The following IL1RAPL2 variants were observed in gnomAD, a reference collection of about 807,000 sequenced individuals.
The protein encoded by IL1RAPL2 is X-linked interleukin-1 receptor accessory protein-like 2.
Under a neutral mutation model 44.1 loss-of-function variants are expected in IL1RAPL2, and 3 were observed. The observed-to-expected ratio is 0.07, with a 90% CI of 0.03 to 0.18. IL1RAPL2 has a LOEUF of 0.18. Among genes scored for constraint, IL1RAPL2 ranks in the 10% least tolerant of loss-of-function variants. The pLI is 1.00. For missense variants in IL1RAPL2, 391 were observed against 496.4 expected (o/e 0.79, Z 2.02); for synonymous variants, 181 against 178.8 (o/e 1.01, Z -0.10).
intron 2 of IL1RAPL2, among the ~76,000 whole-genome samples, chrX:105,159,746 C>G (rs1287436086): frequency 8.9e-6 from 1 of 111,949 alleles, no homozygotes; most frequent in African/African-American, 3.2e-5. Context: ...CTCTTCACTC[C>G]ACATAGGTAG....
intron 2 of IL1RAPL2, among the ~76,000 whole-genome samples, chrX:104,696,777 G>T (rs1931189949): frequency 1.8e-5 from 2 of 111,842 alleles, no homozygotes; most frequent in Admixed American, 1.9e-4. Flanking sequence ...AGTGAGGTAT[G>T]TAGGCAAGCA....
intron 5 of IL1RAPL2, among the ~76,000 whole-genome samples, chrX:105,284,745 C>T (rs1454089525): frequency 9.0e-6 from 1 of 111,367 alleles, no homozygotes; most frequent in Non-Finnish European, 1.9e-5. Context: ...GTAACTTGCC[C>T]GGGTCACACA....
At chrX:105,441,609 C>G (rs759460540) in intron 5 of IL1RAPL2, among the ~76,000 whole-genome samples, 1 of 111,877 alleles carries the variant, frequency 8.9e-6, no homozygotes, top group South Asian at 3.7e-4. Flanking sequence ...ACATATTATG[C>G]TTATAAGATT....
intron 6 of IL1RAPL2, among the ~76,000 whole-genome samples, chrX:105,504,737 G>C (rs1024962670): frequency 9.0e-6 from 1 of 111,326 alleles, no homozygotes; most frequent in African/African-American, 3.3e-5. Context: ...TGTATCTATT[G>C]TTTTCTTGTA....
At chrX:104,743,320 AT>A (rs201927008) in intron 2 of IL1RAPL2, among the ~76,000 whole-genome samples, 216 of 100,192 alleles carry the variant, frequency 2.2e-3, no homozygotes, top group South Asian at 4.0e-3. Context: ...GTTTCAAACT[AT>A]TTTTTTTTTT....
At chrX:104,820,158 T>C (rs1247633455) in intron 2 of IL1RAPL2, among the ~76,000 whole-genome samples, 1 of 111,904 alleles carries the variant, frequency 8.9e-6, no homozygotes, top group Non-Finnish European at 1.9e-5. Context: ...GACAGATACC[T>C]ATTAGACTCT....
rs139118873 is a variant in IL1RAPL2, at chrX:105,584,691, G to A, written c.772+100304G>A. ...TTCTAGGTTGACAGCCTTTTTATCA[G>A]CAGCTAAAATATGCTCTACCATATT... On this transcript the variant is annotated intron_variant, in intron 6 of 10. Transcript: ENST00000372582. Among the ~76,000 whole-genome samples the A allele has an allele frequency of 6.4e-3, 708 of 111,049 alleles. 11 individuals carry two copies. The highest frequency in any genetic ancestry group is 0.022 in the African/African-American group (680 of 30,600).
intron 5 of IL1RAPL2, among the ~76,000 whole-genome samples, chrX:105,281,211 G>A (rs999393641): frequency 3.6e-5 from 4 of 111,177 alleles, no homozygotes; most frequent in Admixed American, 9.6e-5. Flanking sequence ...CTCATAAGTG[G>A]GAGTTGAACA....
At chrX:104,690,402 T>C (rs1466395152) in intron 2 of IL1RAPL2, among the ~76,000 whole-genome samples, 2 of 112,335 alleles carry the variant, frequency 1.8e-5, no homozygotes, top group Non-Finnish European at 3.8e-5. Flanking sequence ...AGAAAGCCAA[T>C]GGTGACATCA....
intron 2 of IL1RAPL2, among the ~76,000 whole-genome samples, chrX:104,985,582 C>CA (rs1406559461): frequency 9.0e-6 from 1 of 111,573 alleles, no homozygotes; most frequent in Non-Finnish European, 1.9e-5. Flanking sequence ...ATGGTTATTC[C>CA]AACCTGTTAC....
intron 2 of IL1RAPL2, among the ~76,000 whole-genome samples, chrX:105,078,989 C>T (rs998785323): frequency 8.0e-5 from 9 of 112,386 alleles, no homozygotes; most frequent in South Asian, 3.7e-4. Context: ...CTGGGTGAGG[C>T]GATGCCTCGC....
intron 5 of IL1RAPL2, among the ~76,000 whole-genome samples, chrX:105,448,220 T>C (rs1390503567): frequency 9.1e-6 from 1 of 109,481 alleles, no homozygotes; most frequent in Non-Finnish European, 1.9e-5. Flanking sequence ...GGTAGACATC[T>C]TTGGGTTAAG....
chrX:104,958,892 A>G (rs1216207781), intron 2 of IL1RAPL2, among the ~76,000 whole-genome samples: 1 of 109,911 alleles, frequency 9.1e-6, no homozygotes, highest in Non-Finnish European at 1.9e-5. Flanking sequence ...TACTGACACC[A>G]ATAGTGTTGT....
chrX:105,674,844 G>C (rs910948094), intron 6 of IL1RAPL2, among the ~76,000 whole-genome samples: 4 of 110,935 alleles, frequency 3.6e-5, no homozygotes, highest in Non-Finnish European at 5.7e-5. Flanking sequence ...CTTGAACAGT[G>C]GTTTGTAGTT....
intron 5 of IL1RAPL2, among the ~76,000 whole-genome samples, chrX:105,404,271 T>A (rs1248783180): frequency 8.9e-6 from 1 of 111,754 alleles, no homozygotes; most frequent in East Asian, 2.8e-4. Context: ...AGCATGAGAC[T>A]GGTTTAGATG....
intron 6 of IL1RAPL2, among the ~76,000 whole-genome samples, chrX:105,573,667 G>A (rs1313109106): frequency 9.1e-6 from 1 of 110,258 alleles, no homozygotes; most frequent in East Asian, 2.9e-4. Context: ...TCTCAGAGAG[G>A]GGGAATATAG....
intron 2 of IL1RAPL2, among the ~76,000 whole-genome samples, chrX:104,752,847 G>C (rs1057000134): frequency 2.7e-5 from 3 of 109,793 alleles, no homozygotes; most frequent in Non-Finnish European, 3.8e-5. Context: ...CTTTTTTTGT[G>C]GGGGGAATGC....
intron 5 of IL1RAPL2, chrX:105,406,060 G>A (rs1429384578): frequency 1.1e-4 from 137 of 1,199,651 alleles, no homozygotes; most frequent in Non-Finnish European, 1.4e-4. Flanking sequence ...ACAACTACAC[G>A]CATTACTCCT....
At chrX:105,491,297 G>A (rs2036316281) in intron 6 of IL1RAPL2, among the ~76,000 whole-genome samples, 1 of 111,434 alleles carries the variant, frequency 9.0e-6, no homozygotes, top group African/African-American at 3.3e-5. Flanking sequence ...ATGAGTTCAT[G>A]TCCTTTGTAG....
Sources: gnomAD v4.1 joint callset for allele counts (sites outside exome capture counted in the v4.1 genomes callset) on GRCh38, gnomAD v4.1.1 for gene constraint, MANE v1.5 for transcripts, NCBI Gene and HGNC (gene_info 2026-07-23, HGNC 2026-07-21) for gene names.